Variants in ANXA8 observed in about 807,000 individuals in gnomAD.
The protein encoded by ANXA8 is annexin A8, also known as VAC-beta.
In ANXA8, 9 loss-of-function variants were observed where a neutral mutation model predicts 26.8. The observed-to-expected ratio is 0.34, with a 90% CI of 0.20 to 0.59. The LOEUF is 0.59. Among genes scored for constraint, ANXA8 ranks in the 20% least tolerant of loss-of-function variants. The pLI is 0.84. For synonymous variants in ANXA8, 39 were observed against 94.8 expected (o/e 0.41, Z 3.42); for missense variants, 83 against 238.5 (o/e 0.35, Z 4.29).
At chr10:47,680,793 A>G in the ANXA8 span, among the ~76,000 whole-genome samples, 2 of 151,244 alleles carry the variant, frequency 1.3e-5, no homozygotes, top group African/African-American at 4.9e-5. Flanking sequence ...TATTTACCCC[A>G]TCATTAAGTT....
chr10:47,488,874 C>T (rs1256014502), upstream of ANXA8, among the ~76,000 whole-genome samples: 1 of 146,270 alleles, frequency 6.8e-6, no homozygotes, highest in African/African-American at 2.5e-5. Flanking sequence ...ACTACAGGTG[C>T]CCGCCACCGT....
the ANXA8 span, among the ~76,000 whole-genome samples, chr10:47,681,984 C>T: frequency 6.9e-6 from 1 of 145,728 alleles, no homozygotes; most frequent in Admixed American, 6.9e-5. Context: ...AATGCTGGAT[C>T]CAAAAAACTC....
the ANXA8 span, among the ~76,000 whole-genome samples, chr10:47,717,624 T>C: frequency 7.4e-6 from 1 of 134,234 alleles, no homozygotes; most frequent in Non-Finnish European, 1.6e-5. Context: ...CAGCGTGACC[T>C]TTTAATTCTT....
the ANXA8 span, chr10:47,970,580 C>G: frequency 4.6e-5 from 7 of 151,588 alleles, no homozygotes; most frequent in African/African-American, 1.7e-4. Flanking sequence ...TACTGTATAA[C>G]AGTTCACTAG....
At chr10:47,597,082 G>C in the ANXA8 span, among the ~76,000 whole-genome samples, 1 of 148,990 alleles carries the variant, frequency 6.7e-6, no homozygotes, top group Non-Finnish European at 1.5e-5. Context: ...TTATACCTGG[G>C]ATGTAAGAGT....
the ANXA8 span, among the ~76,000 whole-genome samples, chr10:47,954,068 A>G: frequency 2.0e-5 from 3 of 151,082 alleles, no homozygotes; most frequent in African/African-American, 7.3e-5. Context: ...GGAAATTAGT[A>G]TATCAAAGAG....
At chr10:47,490,123 G>T in the ANXA8 span, among the ~76,000 whole-genome samples, 1 of 151,016 alleles carries the variant, frequency 6.6e-6, no homozygotes, top group African/African-American at 2.5e-5. Context: ...CCTGCCTCAG[G>T]TTGGTTTCCA....
chr10:47,950,696 G>GT, the ANXA8 span, among the ~76,000 whole-genome samples: 1 of 150,922 alleles, frequency 6.6e-6, no homozygotes, highest in South Asian at 2.1e-4. Context: ...AAATCCCCAA[G>GT]TATTTGGAAA....
At chr10:47,552,520 CT>C in the ANXA8 span, among the ~76,000 whole-genome samples, 1 of 152,034 alleles carries the variant, frequency 6.6e-6, no homozygotes, top group South Asian at 2.1e-4. Flanking sequence ...GACTCTAAAA[CT>C]TCTAAATTAC....
At chr10:47,702,058 A>G in the ANXA8 span, among the ~76,000 whole-genome samples, 3 of 150,126 alleles carry the variant, frequency 2.0e-5, no homozygotes, top group Admixed American at 6.6e-5. Flanking sequence ...AAATGAGTAC[A>G]TAGATTGTAG....
chr10:47,618,626 T>A, the ANXA8 span, among the ~76,000 whole-genome samples: 1 of 115,160 alleles, frequency 8.7e-6, no homozygotes, highest in Non-Finnish European at 1.9e-5. Context: ...TTTCTATATA[T>A]GTAAACATTT....
chr10:47,525,435 G>C, the ANXA8 span, among the ~76,000 whole-genome samples: 4 of 141,734 alleles, frequency 2.8e-5, no homozygotes, highest in African/African-American at 1.1e-4. Context: ...AACCCTATAA[G>C]ATCTCATGAG....
chr10:47,940,096 T>A, the ANXA8 span, among the ~76,000 whole-genome samples: 1 of 151,466 alleles, frequency 6.6e-6, no homozygotes, highest in Non-Finnish European at 1.5e-5. Context: ...CTCTGAAAAC[T>A]TTTCCTGGCT....
At chr10:47,733,249 T>TTC in the ANXA8 span, among the ~76,000 whole-genome samples, 70 of 95,144 alleles carry the variant, frequency 7.4e-4, no homozygotes, top group Admixed American at 1.5e-3. Context: ...CTTTCTTTCT[T>TTC]TCTTTCTTTC....
the ANXA8 span, among the ~76,000 whole-genome samples, chr10:47,636,809 T>C: frequency 6.6e-6 from 1 of 151,988 alleles, no homozygotes; most frequent in African/African-American, 2.4e-5. Context: ...GTAAACTGAC[T>C]GTGGGTTTCC....
upstream of ANXA8, among the ~76,000 whole-genome samples, chr10:47,488,509 C>T (rs1252459695): frequency 1.3e-5 from 2 of 150,996 alleles, no homozygotes; most frequent in Non-Finnish European, 2.9e-5. Flanking sequence ...CTGCACCTGG[C>T]CTATGGTATT....
chr10:47,665,067 T>G, the ANXA8 span, among the ~76,000 whole-genome samples: 1 of 148,160 alleles, frequency 6.7e-6, no homozygotes, highest in Non-Finnish European at 1.5e-5. Flanking sequence ...GTCTGAATAT[T>G]GAGTCTTAAT....
At chr10:47,585,263 C>A in the ANXA8 span, among the ~76,000 whole-genome samples, 44 of 43,584 alleles carry the variant, frequency 1.0e-3, no homozygotes, top group East Asian at 7.3e-3. Context: ...GACTCCATCT[C>A]AAAAAAAAAA....
At chr10:47,734,048 T>C in the ANXA8 span, among the ~76,000 whole-genome samples, 2 of 148,724 alleles carry the variant, frequency 1.3e-5, no homozygotes. Context: ...TAATGTGGAA[T>C]TCAGGTGTTT....
Sources: gnomAD v4.1 joint callset for allele counts (sites outside exome capture counted in the v4.1 genomes callset) on GRCh38, gnomAD v4.1.1 for gene constraint, MANE v1.5 for transcripts, NCBI Gene and HGNC (gene_info 2026-07-23, HGNC 2026-07-21) for gene names.